ARHGAP24: variants seen among roughly 807,000 people sequenced by gnomAD.
ARHGAP24 encodes Rho GTPase activating protein 24, also known as rho GTPase-activating protein 24.
Under a neutral mutation model 76.4 loss-of-function variants are expected in ARHGAP24, and 50 were observed. That is an observed-to-expected ratio of 0.65 (90% CI 0.52 to 0.83). The LOEUF (loss-of-function observed/expected upper bound fraction) is 0.83, where lower values mean the gene tolerates loss of function less well. ARHGAP24 is among the 40% of genes least tolerant of loss of function. ARHGAP24 has a pLI of 0.00. For missense variants in ARHGAP24, 930 were observed against 914.2 expected, an observed-to-expected ratio of 1.02 and a Z score of -0.22; for synonymous variants, 345 against 323.3, an observed-to-expected ratio of 1.07 and a Z score of -0.72.
intron 4 of ARHGAP24, among the ~76,000 whole-genome samples, chr4:85,932,237 G>T (rs1003977589): frequency 1.3e-5 from 2 of 151,298 alleles, no homozygotes; most frequent in African/African-American, 4.8e-5. Context: ...CCATAGGATT[G>T]CATCATTGGT....
intron 6 of ARHGAP24, among the ~76,000 whole-genome samples, chr4:85,973,931 C>T (rs1739159900): frequency 6.8e-6 from 1 of 146,244 alleles, no homozygotes; most frequent in Non-Finnish European, 1.5e-5. Flanking sequence ...CAAGCTCCGC[C>T]TCCAGGGTTC....
intron 3 of ARHGAP24, among the ~76,000 whole-genome samples, chr4:85,812,497 A>C (rs1392266796): frequency 6.6e-6 from 1 of 152,134 alleles, no homozygotes; most frequent in Non-Finnish European, 1.5e-5. Context: ...CCAACATTTG[A>C]AACTCTAACC....
chr4:85,495,836 G>A (rs969468396), intron 1 of ARHGAP24, among the ~76,000 whole-genome samples: 2 of 152,158 alleles, frequency 1.3e-5, no homozygotes, highest in African/African-American at 2.4e-5. Context: ...GTGCTCAGCT[G>A]TCTCTCCTTA....
intron 3 of ARHGAP24, among the ~76,000 whole-genome samples, chr4:85,844,472 C>T (rs1322876860): frequency 3.3e-5 from 5 of 152,124 alleles, no homozygotes; most frequent in Admixed American, 1.3e-4. Context: ...ATAAAAATAC[C>T]TTTAGTCTTC....
chr4:85,640,615 C>A (rs768935430), intron 2 of ARHGAP24, among the ~76,000 whole-genome samples: 2 of 152,052 alleles, frequency 1.3e-5, no homozygotes, highest in Non-Finnish European at 2.9e-5. Flanking sequence ...CTAAGACTAC[C>A]CTAGGTTTCA....
chr4:85,541,254 C>T (rs1578019896), intron 1 of ARHGAP24, among the ~76,000 whole-genome samples: 1 of 133,520 alleles, frequency 7.5e-6, no homozygotes, highest in East Asian at 2.4e-4. Flanking sequence ...CCCGGGTTCA[C>T]GCCATTCTCC....
intron 1 of ARHGAP24, among the ~76,000 whole-genome samples, chr4:85,491,103 A>G (rs1578182798): frequency 6.6e-6 from 1 of 152,330 alleles, no homozygotes; most frequent in Non-Finnish European, 1.5e-5. Flanking sequence ...CTTTAGGTTG[A>G]TCAATTACCT....
At chr4:85,828,656 A>C (rs985483495) in intron 3 of ARHGAP24, among the ~76,000 whole-genome samples, 1 of 152,182 alleles carries the variant, frequency 6.6e-6, no homozygotes, top group Admixed American at 6.5e-5. Flanking sequence ...CTGTGTACAC[A>C]GGACAATACA....
At chr4:85,554,661 T>G (rs1726277546) in intron 1 of ARHGAP24, among the ~76,000 whole-genome samples, 1 of 151,964 alleles carries the variant, frequency 6.6e-6, no homozygotes, top group African/African-American at 2.4e-5. Context: ...TTATTTTTAT[T>G]ATTATTATTT....
intron 3 of ARHGAP24, among the ~76,000 whole-genome samples, chr4:85,771,833 C>A (rs1307689619): frequency 6.6e-6 from 1 of 152,108 alleles, no homozygotes; most frequent in Non-Finnish European, 1.5e-5. Flanking sequence ...CCTCAGCCTC[C>A]CAAGTATGTG....
intron 4 of ARHGAP24, among the ~76,000 whole-genome samples, chr4:85,923,995 T>G (rs77186452): frequency 2.6e-5 from 4 of 152,138 alleles, no homozygotes; most frequent in African/African-American, 9.7e-5. Flanking sequence ...ATATGTTGAA[T>G]GATAAAAATG....
chr4:85,535,689 C>T (rs113154560), intron 1 of ARHGAP24, among the ~76,000 whole-genome samples: 2 of 152,082 alleles, frequency 1.3e-5, no homozygotes, highest in African/African-American at 4.8e-5. Flanking sequence ...AAAGAGACTA[C>T]GGTGGAGTTT....
chr4:85,847,441 A>G (rs1432785561), intron 3 of ARHGAP24, among the ~76,000 whole-genome samples: 1 of 152,212 alleles, frequency 6.6e-6, no homozygotes, highest in Non-Finnish European at 1.5e-5. Context: ...AATATAAACT[A>G]TGCCAGGCAG....
chr4:85,618,642 A>C (rs1720611771), intron 2 of ARHGAP24, among the ~76,000 whole-genome samples: 1 of 151,936 alleles, frequency 6.6e-6, no homozygotes, highest in African/African-American at 2.4e-5. Flanking sequence ...CAACACTAGT[A>C]ATCTTCTGTC....
intron 1 of ARHGAP24, among the ~76,000 whole-genome samples, chr4:85,561,883 C>T (rs963561030): frequency 3.9e-5 from 6 of 151,958 alleles, no homozygotes; most frequent in African/African-American, 1.5e-4. Context: ...AAGGGATTCT[C>T]GTGTGCTGTG....
At chr4:85,563,604 C>T (rs1726685486) in intron 1 of ARHGAP24, among the ~76,000 whole-genome samples, 1 of 152,128 alleles carries the variant, frequency 6.6e-6, no homozygotes, top group Non-Finnish European at 1.5e-5. Flanking sequence ...GTTGGGACTT[C>T]AACATATGAA....
chr4:85,489,396 T>C (rs902759385), intron 1 of ARHGAP24, among the ~76,000 whole-genome samples: 2 of 152,224 alleles, frequency 1.3e-5, no homozygotes, highest in African/African-American at 4.8e-5. Flanking sequence ...AGTCCCATCC[T>C]TGACTGTTTA....
chr4:85,626,374 T>C (rs552968794), intron 2 of ARHGAP24, among the ~76,000 whole-genome samples: 6 of 152,320 alleles, frequency 3.9e-5, no homozygotes, highest in African/African-American at 1.4e-4. Flanking sequence ...AAAATTCTTT[T>C]CTTTAAGAAT....
intron 2 of ARHGAP24, among the ~76,000 whole-genome samples, chr4:85,689,669 G>T (rs771886889): frequency 9.2e-5 from 14 of 152,268 alleles, no homozygotes; most frequent in African/African-American, 3.4e-4. Flanking sequence ...GATTACAGAC[G>T]TGAGCCAGCA....
Sources: gnomAD v4.1 joint callset for allele counts (sites outside exome capture counted in the v4.1 genomes callset) on GRCh38, gnomAD v4.1.1 for gene constraint, MANE v1.5 for transcripts, NCBI Gene and HGNC (gene_info 2026-07-23, HGNC 2026-07-21) for gene names.